The following ATP9A variants were observed in gnomAD, a reference collection of about 807,000 sequenced individuals.
ATP9A encodes probable phospholipid-transporting ATPase IIA.
A neutral mutation model predicts 144.1 loss-of-function variants in ATP9A; 52 were observed. The observed-to-expected ratio is 0.36, with a 90% confidence interval of 0.29 to 0.45. ATP9A has a LOEUF of 0.45. Among genes scored for constraint, ATP9A ranks in the 20% least tolerant of loss-of-function variants. The pLI, the probability that ATP9A is intolerant of heterozygous loss-of-function variation, is 1.00. For synonymous variants in ATP9A, 582 were observed against 557.4 expected (o/e 1.04, Z -0.62); for missense variants, 947 against 1,392.7 (o/e 0.68, Z 5.09).
rs376295352 is a variant in ATP9A at position 51,730,445 on chromosome 20, C to T, written c.69-467G>A. The stretch of plus-strand genomic sequence containing the variant: ...ATCGCACCACTGCACTCCAGCCTGG[C>T]GAAAGACTGAGACTTCGTCTCAAAA... On this transcript the variant is annotated intron_variant, in intron 1 of 27. Transcript: ENST00000338821. 1.9e-4 allele frequency among the ~76,000 whole-genome samples: 29 copies of T among 152,100 alleles called. 3 individuals carry two copies. Among genetic ancestry groups the T allele is most frequent in the South Asian group, 6.3e-4 (3 of 4,800 alleles).
At chr20:51,703,453 T>C (rs1423965258) in intron 4 of ATP9A, among the ~76,000 whole-genome samples, 1 of 152,214 alleles carries the variant, frequency 6.6e-6, no homozygotes, top group African/African-American at 2.4e-5. Flanking sequence ...CCTAAATCAT[T>C]AAAAGTCTTC....
intron 14 of ATP9A, among the ~76,000 whole-genome samples, chr20:51,646,890 G>T (rs6021344): frequency 6.6e-6 from 1 of 151,844 alleles, no homozygotes; most frequent in Non-Finnish European, 1.5e-5. Context: ...GCTGAAGTGG[G>T]CGGATCACCT....
In ATP9A at chr20:51,622,110, C is replaced by G. The variant is rs1262751493; in HGVS notation, c.2079G>C (p.Leu693=). The change falls in exon 19 of 28, where the codon CTG becomes CTC. Residue 693 remains leucine, a synonymous_variant. Transcript: ENST00000338821. ...CGTGGATGTCTTGGTTTCTGGTCAC[C>G]AGATGTGCATTCTTCGCTGTGCACG... is the stretch of plus-strand genomic sequence containing the variant. ...TATCTAKNAH[L]VTRNQDIHVF... The G allele has an allele frequency of 3.7e-6, 6 of 1,614,124 alleles. No individual in the cohort carries two copies. Among genetic ancestry groups the G allele is most frequent in the Non-Finnish European group, 5.1e-6 (6 of 1,179,998 alleles).
At chr20:51,633,197 G>A (rs1390291314) in intron 15 of ATP9A, among the ~76,000 whole-genome samples, 1 of 152,154 alleles carries the variant, frequency 6.6e-6, no homozygotes, top group Non-Finnish European at 1.5e-5. Context: ...ATAAGTTAAT[G>A]AATGAAATAG....
intron 14 of ATP9A, among the ~76,000 whole-genome samples, chr20:51,644,827 T>C (rs1321743246): frequency 1.3e-5 from 2 of 152,154 alleles, no homozygotes; most frequent in East Asian, 1.9e-4. Context: ...CAAGTAGCTA[T>C]TACTTTGCCT....
intron 1 of ATP9A, among the ~76,000 whole-genome samples, chr20:51,763,414 G>A (rs1490263072): frequency 1.3e-5 from 2 of 150,902 alleles, no homozygotes; most frequent in African/African-American, 2.4e-5. Flanking sequence ...CTGGGTTCAC[G>A]CCATTCTCCT....
chr20:51,654,916 C>T (rs2077381060), intron 14 of ATP9A, among the ~76,000 whole-genome samples: 1 of 152,296 alleles, frequency 6.6e-6, no homozygotes, highest in African/African-American at 2.4e-5. Flanking sequence ...TACTGTGTCA[C>T]ACAAGCCTCC....
chr20:51,606,258 G>A (rs536816105), intron 26 of ATP9A, among the ~76,000 whole-genome samples: 15 of 152,248 alleles, frequency 9.9e-5, no homozygotes, highest in African/African-American at 3.6e-4. Context: ...CTCCATCTCA[G>A]AATAGTAATA....
At chr20:51,694,210 G>T in intron 6 of ATP9A, 108 bp from the exon 7 acceptor site, 1 of 735,138 alleles carries the variant, frequency 1.4e-6, no homozygotes, top group Non-Finnish European at 2.3e-6. Flanking sequence ...CCAATGGCCA[G>T]CGACCACAAG....
At chr20:51,616,273 C>G (rs953200874) in intron 22 of ATP9A, among the ~76,000 whole-genome samples, 2 of 152,334 alleles carry the variant, frequency 1.3e-5, no homozygotes, top group South Asian at 4.1e-4. Flanking sequence ...AGGGGAGCAT[C>G]TCTGCTGCCC....
Position 51,604,899 on chromosome 20 carries a change from G to A in ATP9A, c.2925C>T (p.Thr975=), listed in dbSNP as rs938048464. 6 of 1,610,904 alleles carry A rather than the reference G, an allele frequency of 3.7e-6. No homozygotes were observed. The highest frequency in any genetic ancestry group is 1.7e-5 in the Admixed American group (1 of 59,732). ...CCGCCACTGTCATGAGCCAGTGCCA[G>A]GTCTGGATGGTCAGCGCCACCATGA... ...ELLMVALTIQ[T]WHWLMTVAEL... is the part of the protein sequence containing the mutation. Residue 975 remains threonine, a synonymous_variant, in exon 27 of 28, where the codon ACC becomes ACT. Transcript: ENST00000338821.
intron 8 of ATP9A, 25 bp from the exon 9 acceptor site, chr20:51,689,164 G>C: frequency 1.9e-6 from 3 of 1,610,324 alleles, no homozygotes; most frequent in Non-Finnish European, 2.5e-6. Context: ...ACGGACACAC[G>C]TTCACCCCCC....
intron 13 of ATP9A, among the ~76,000 whole-genome samples, chr20:51,661,115 T>C (rs1053820289): frequency 6.6e-5 from 10 of 152,180 alleles, no homozygotes; most frequent in African/African-American, 2.4e-4. Context: ...GAGTCATTTA[T>C]AGCATCCCAG....
chr20:51,618,875 G>C, intron 20 of ATP9A, 69 bp from the exon 21 acceptor site: 1 of 1,589,682 alleles, frequency 6.3e-7, no homozygotes, highest in Non-Finnish European at 8.6e-7. Flanking sequence ...GGTCGCTGCC[G>C]AGCCTGCAGT....
At chr20:51,613,457 A>T (rs1352754988) in intron 23 of ATP9A, among the ~76,000 whole-genome samples, 1 of 152,198 alleles carries the variant, frequency 6.6e-6, no homozygotes, top group African/African-American at 2.4e-5. Flanking sequence ...GAGCACCAAG[A>T]AGTTCAGGGA....
rs1475568481 is a variant in ATP9A, at chr20:51,694,211, C to T, written c.548-109G>A. On this transcript the variant is annotated intron_variant, in intron 6 of 27. Coordinates refer to ENST00000338821, the MANE Select transcript of ATP9A (RefSeq NM_006045.3). ...GTAAAAACAGCCAACCAATGGCCAG[C>T]GACCACAAGAGAAAATACATATCCT... 11 of 730,904 alleles carry T rather than the reference C, an allele frequency of 1.5e-5. 1 individual carries two copies. The highest frequency in any genetic ancestry group is 8.6e-5 in the South Asian group (5 of 58,448). 45.3% of individuals were successfully genotyped at this position (730,904 alleles called of 1,614,324 possible). A position where few individuals can be genotyped will look rare whatever the true frequency, so the allele number is the denominator to read the frequency against.
chr20:51,709,544 T>C (rs538955498), intron 4 of ATP9A, among the ~76,000 whole-genome samples: 71 of 152,116 alleles, frequency 4.7e-4, no homozygotes, highest in African/African-American at 1.6e-3. Flanking sequence ...CTGGGCAACA[T>C]GGCAACCCCA....
chr20:51,766,605 G>A lies in ATP9A; in HGVS notation c.68+1697C>T, dbSNP rs369545639. ...GCCTGTAATCCCAGCACTTTGGAAG[G>A]CCGAGGTGGGTGGATCACGAGGTCA... On this transcript the variant is annotated intron_variant, in intron 1 of 27. Coordinates refer to ENST00000338821, the MANE Select transcript of ATP9A (RefSeq NM_006045.3). Among the ~76,000 whole-genome samples the A allele has an allele frequency of 1.2e-4, 18 of 152,262 alleles. 3 individuals are homozygous for A. Among genetic ancestry groups the A allele is most frequent in the Admixed American group, 2.0e-4 (3 of 15,292 alleles).
chr20:51,741,097 C>A (rs887483879), intron 1 of ATP9A, among the ~76,000 whole-genome samples: 1 of 110,528 alleles, frequency 9.0e-6, no homozygotes, highest in Non-Finnish European at 2.2e-5. Context: ...TTTCCCTGGC[C>A]ACACTGAGTG....
Sources: gnomAD v4.1 joint callset for allele counts (sites outside exome capture counted in the v4.1 genomes callset) on GRCh38, gnomAD v4.1.1 for gene constraint, MANE v1.5 for transcripts, NCBI Gene and HGNC (gene_info 2026-07-23, HGNC 2026-07-21) for gene names.